Variants in LARGE1 observed in about 807,000 individuals in gnomAD.
LARGE1 encodes the protein LARGE xylosyl- and glucuronyltransferase 1.
In LARGE1, 43 loss-of-function variants were observed where a neutral mutation model predicts 87.6. The ratio of observed to expected loss-of-function variants is 0.49; its 90% CI spans 0.38 to 0.63. The LOEUF is 0.63. Among genes scored for constraint, LARGE1 ranks in the 30% least tolerant of loss-of-function variants. The pLI, the probability that LARGE1 is intolerant of heterozygous loss-of-function variation, is 0.00. For synonymous variants in LARGE1, 434 were observed against 394.6 expected, an observed-to-expected ratio of 1.10 and a Z score of -1.18; for missense variants, 802 against 1,000.2, an observed-to-expected ratio of 0.80 and a Z score of 2.67.
chr22:33,153,058 C>G, the LARGE1 span, among the ~76,000 whole-genome samples: 1 of 152,066 alleles, frequency 6.6e-6, no homozygotes, highest in Non-Finnish European at 1.5e-5. Flanking sequence ...CAACTTTGTC[C>G]AGCAGTTTTC....
At chr22:33,738,528 C>T (rs1042794833) in intron 2 of LARGE1, among the ~76,000 whole-genome samples, 18 of 152,166 alleles carry the variant, frequency 1.2e-4, no homozygotes, top group African/African-American at 3.9e-4. Context: ...CAAAGGAGCA[C>T]GAAGCATCCC....
intron 12 of LARGE1, among the ~76,000 whole-genome samples, chr22:33,283,694 T>C (rs978806241): frequency 6.6e-6 from 1 of 151,672 alleles, no homozygotes; most frequent in African/African-American, 2.4e-5. Context: ...TGACAATTGC[T>C]GGAGCCCGGG....
At chr22:33,570,130 T>C (rs774271689) in intron 5 of LARGE1, among the ~76,000 whole-genome samples, 3 of 152,158 alleles carry the variant, frequency 2.0e-5, no homozygotes, top group Non-Finnish European at 4.4e-5. Context: ...CCTTGAGTCT[T>C]AGTTTTCTCA....
intron 2 of LARGE1, among the ~76,000 whole-genome samples, chr22:33,702,884 T>C (rs1055519803): frequency 1.3e-5 from 2 of 152,062 alleles, no homozygotes; most frequent in African/African-American, 4.8e-5. Context: ...GGAGAAAGAT[T>C]AGGTACAAAG....
the LARGE1 span, among the ~76,000 whole-genome samples, chr22:33,076,939 A>C: frequency 6.6e-6 from 1 of 152,166 alleles, no homozygotes; most frequent in African/African-American, 2.4e-5. Flanking sequence ...CTCAAGTGGG[A>C]GGTCTCTGGA....
chr22:33,589,334 T>A (rs2078769150), intron 5 of LARGE1, among the ~76,000 whole-genome samples: 1 of 152,224 alleles, frequency 6.6e-6, no homozygotes. Flanking sequence ...ACATGATAAG[T>A]GACAAGTAAA....
At chr22:33,369,467 T>C (rs2413180) in intron 9 of LARGE1, among the ~76,000 whole-genome samples, 80,980 of 152,070 alleles carry the variant, frequency 0.53, 26,340 homozygotes, top group East Asian at 0.82. Flanking sequence ...GGTTTTTTTT[T>C]CCCCAAATTA....
At chr22:33,770,429 C>A (rs1051250303) in intron 1 of LARGE1, among the ~76,000 whole-genome samples, 3 of 152,146 alleles carry the variant, frequency 2.0e-5, no homozygotes, top group Non-Finnish European at 2.9e-5. Flanking sequence ...TGCCTATAAT[C>A]CCAACATTTG....
At chr22:33,261,926 A>C (rs1602164837) in intron 11 of LARGE1, among the ~76,000 whole-genome samples, 1 of 152,242 alleles carries the variant, frequency 6.6e-6, no homozygotes, top group East Asian at 1.9e-4. Context: ...AGGAATGCTC[A>C]TAAGAACTAA....
At chr22:33,261,410 G>C (rs1367108808) in intron 11 of LARGE1, among the ~76,000 whole-genome samples, 1 of 152,146 alleles carries the variant, frequency 6.6e-6, no homozygotes, top group Non-Finnish European at 1.5e-5. Context: ...CTTTACCTAT[G>C]CTCACTCCTT....
intron 7 of LARGE1, among the ~76,000 whole-genome samples, chr22:33,423,202 C>T (rs1035292505): frequency 3.3e-5 from 5 of 152,148 alleles, no homozygotes; most frequent in South Asian, 2.1e-4. Flanking sequence ...CACTCGTAGG[C>T]GTCACAGTGA....
chr22:33,434,991 T>C (rs951010705), intron 6 of LARGE1, among the ~76,000 whole-genome samples: 1 of 152,134 alleles, frequency 6.6e-6, no homozygotes, highest in South Asian at 2.1e-4. Context: ...CTGTTTTTTG[T>C]TTGTTTGTTT....
intron 1 of LARGE1, among the ~76,000 whole-genome samples, chr22:33,799,493 G>A (rs992513788): frequency 6.6e-6 from 1 of 151,940 alleles, no homozygotes; most frequent in Non-Finnish European, 1.5e-5. Flanking sequence ...CAGGCTGGAG[G>A]GCAGTGGTGC....
intron 6 of LARGE1, among the ~76,000 whole-genome samples, chr22:33,540,949 C>T (rs978739589): frequency 2.0e-5 from 3 of 150,644 alleles, no homozygotes; most frequent in East Asian, 2.0e-4. Flanking sequence ...GCTTGGGCAA[C>T]GTGGCAAAAC....
chr22:33,855,161 T>A (rs2063721492), intron 1 of LARGE1, among the ~76,000 whole-genome samples: 1 of 152,026 alleles, frequency 6.6e-6, no homozygotes, highest in Admixed American at 6.6e-5. Context: ...GGTGAAACCC[T>A]GTCTCTACTA....
intron 11 of LARGE1, among the ~76,000 whole-genome samples, chr22:33,233,919 A>T (rs1239746769): frequency 2.0e-5 from 3 of 152,168 alleles, no homozygotes; most frequent in Non-Finnish European, 4.4e-5. Flanking sequence ...GTGTTATACT[A>T]ATTGTGAAAT....
Position 33,324,268 on chromosome 22 carries a change from ACAAAAACAAAAAG to A in LARGE1, c.1288-8033_1288-8021del, listed in dbSNP as rs376380356. 8.0e-3 allele frequency among the ~76,000 whole-genome samples: 1,053 copies of A among 132,394 alleles called. 6 individuals are homozygous for A. Among genetic ancestry groups the A allele is most frequent in the South Asian group, 0.013 (54 of 4,172 alleles). The allele number at this position is 132,394 out of a possible 152,430, so 86.9% of individuals were successfully genotyped here. ...AAAAAAAAAAAAAAAAGCCAAAAAA[ACAAAAACAAAAAG>A]CCAAAAACAAACAACCCCCCCCCCA... On this transcript the variant is annotated intron_variant, in intron 10 of 14. Transcript: ENST00000397394.
In LARGE1 at chr22:33,816,726, A is replaced by C. The variant is rs149000226; in HGVS notation, c.-82-55168T>G. ...CAGACAGACAGACAGACAGACAGAC[A>C]GACAGACAGATACAGAAAGACAGAT... is the stretch of plus-strand genomic sequence containing the variant. On this transcript the variant is annotated intron_variant, in intron 1 of 14. Transcript: ENST00000397394. 1.9e-3 allele frequency among the ~76,000 whole-genome samples: 295 copies of C among 151,656 alleles called. 1 individual carries two copies. Among genetic ancestry groups the C allele is most frequent in the African/African-American group, 6.9e-3 (284 of 41,336 alleles).
chr22:33,115,825 A>AG, the LARGE1 span, among the ~76,000 whole-genome samples: 3 of 151,246 alleles, frequency 2.0e-5, no homozygotes, highest in Admixed American at 1.3e-4. Context: ...CAAAAAAAAA[A>AG]AAAAAAAAAA....
Sources: allele counts gnomAD v4.1 joint callset (sites outside exome capture counted in the v4.1 genomes callset), GRCh38; gene constraint gnomAD v4.1.1; transcripts MANE v1.5; gene names NCBI Gene and HGNC (gene_info 2026-07-23, HGNC 2026-07-21).